The following FABP3 variants were observed in gnomAD, a reference collection of about 807,000 sequenced individuals.
FABP3 encodes the protein fatty acid-binding protein, heart.
FABP3 carries 8 observed loss-of-function variants against 13.4 expected under a neutral mutation model. The observed-to-expected ratio is 0.60, with a 90% CI of 0.35 to 1.07. The LOEUF is 1.07. Among genes scored for constraint, FABP3 ranks in the 50% least tolerant of loss-of-function variants. The pLI is 0.02. For missense variants in FABP3, 135 were observed against 164.7 expected (o/e 0.82, Z 0.99); for synonymous variants, 64 against 60.0 (o/e 1.07, Z -0.31).
intron 1 of FABP3, among the ~76,000 whole-genome samples, chr1:31,370,148 G>A (rs1640181960): frequency 6.7e-6 from 1 of 149,336 alleles, no homozygotes; most frequent in Non-Finnish European, 1.5e-5. Context: ...AGCTTTTTGT[G>A]TAGTAAGAAC....
intron 1 of FABP3, 125 bp from the exon 2 acceptor site, chr1:31,369,682 G>T: frequency 1.1e-6 from 1 of 875,640 alleles, no homozygotes; most frequent in Non-Finnish European, 1.7e-6. Flanking sequence ...CAAAGCCTTT[G>T]CATGGGAATT....
chr1:31,372,289 C>T (rs1204794471), intron 1 of FABP3, among the ~76,000 whole-genome samples: 1 of 152,086 alleles, frequency 6.6e-6, no homozygotes, highest in Non-Finnish European at 1.5e-5. Flanking sequence ...GCCTCTTGCC[C>T]CACCCTACCA....
chr1:31,368,799 C>T (rs777508605), intron 2 of FABP3, among the ~76,000 whole-genome samples: 5 of 152,170 alleles, frequency 3.3e-5, no homozygotes, highest in South Asian at 4.1e-4. Context: ...TGCCCTATCA[C>T]GGAACATAGC....
intron 1 of FABP3, 168 bp from the exon 2 acceptor site, chr1:31,369,725 G>A: frequency 1.6e-6 from 1 of 634,676 alleles, no homozygotes; most frequent in South Asian, 2.1e-5. Context: ...GTTCTGTTTG[G>A]TGAACACAGA....
the FABP3 span, among the ~76,000 whole-genome samples, chr1:31,360,044 A>G: frequency 6.6e-6 from 1 of 151,380 alleles, no homozygotes; most frequent in Non-Finnish European, 1.5e-5. Flanking sequence ...GCAATGGCAC[A>G]ATCTTGGCTG....
chr1:31,372,848 T>TA, intron 1 of FABP3, 94 bp downstream of exon 1: 1 of 1,270,748 alleles, frequency 7.9e-7, no homozygotes, highest in African/African-American at 1.5e-5. Flanking sequence ...TCCCCAGTCT[T>TA]AACCAGGAGG....
intron 3 of FABP3, among the ~76,000 whole-genome samples, chr1:31,367,108 C>A (rs982968653): frequency 2.0e-5 from 3 of 152,184 alleles, no homozygotes; most frequent in Non-Finnish European, 4.4e-5. Context: ...GGCTTCCCAG[C>A]AGCCCTACAA....
At chr1:31,368,541 C>G (rs1640150337) in intron 2 of FABP3, among the ~76,000 whole-genome samples, 1 of 152,186 alleles carries the variant, frequency 6.6e-6, no homozygotes, top group Non-Finnish European at 1.5e-5. Flanking sequence ...CCTGTGTGAT[C>G]CTGTTCTTTC....
At chr1:31,372,031 C>T (rs1640218217) in intron 1 of FABP3, among the ~76,000 whole-genome samples, 2 of 152,120 alleles carry the variant, frequency 1.3e-5, no homozygotes, top group African/African-American at 2.4e-5. Flanking sequence ...GTTTCAGTTT[C>T]CCTGTTGAAC....
intron 3 of FABP3, among the ~76,000 whole-genome samples, chr1:31,366,219 T>A (rs1640110831): frequency 6.6e-6 from 1 of 152,090 alleles, no homozygotes; most frequent in Admixed American, 6.5e-5. Flanking sequence ...TTGGTCAAGA[T>A]CCTGAGTGTT....
At chr1:31,366,062 A>ATGTGTGTGTGTG (rs3049341) in intron 3 of FABP3, 123 bp from the exon 4 acceptor site, 34 of 575,844 alleles carry the variant, frequency 5.9e-5, no homozygotes, top group African/African-American at 3.1e-4. Flanking sequence ...ATATGTATGT[A>ATGTGTGTGTGTG]TGTGTGTGTG....
intron 3 of FABP3, 75 bp downstream of exon 3, chr1:31,367,318 C>T (rs1640131058): frequency 1.6e-6 from 2 of 1,289,150 alleles, no homozygotes; most frequent in South Asian, 2.4e-5. Context: ...GAGGACTTGG[C>T]TTTTTAGAAC....
Position 31,369,532 on chromosome 1 carries a change from C to T in FABP3, c.99G>A (p.Val33=). The change falls in exon 2 of 4, where the codon GTG becomes GTA. Residue 33 remains valine, a synonymous_variant. Coordinates refer to ENST00000373713, the MANE Select transcript of FABP3 (RefSeq NM_004102.5). ...TTGTGGTAGGCTTGGTCATGCTGGC[C>T]ACCTGCCTGGTAGCAAAACCCACAC... ...SLGVGFATRQ[V]ASMTKPTTII... is the part of the protein sequence containing the mutation. 1 of 1,614,102 alleles carries T rather than the reference C, an allele frequency of 6.2e-7. No homozygotes were observed. Among genetic ancestry groups the T allele is most frequent in the South Asian group, 1.1e-5 (1 of 91,074 alleles).
chr1:31,363,421 G>A (rs1273090087), downstream of FABP3, among the ~76,000 whole-genome samples: 1 of 152,124 alleles, frequency 6.6e-6, no homozygotes, highest in Non-Finnish European at 1.5e-5. Context: ...CTGACCTCGT[G>A]ATCCACCTGC....
downstream of FABP3, among the ~76,000 whole-genome samples, chr1:31,361,961 G>A (rs917761443): frequency 1.3e-5 from 2 of 152,036 alleles, no homozygotes; most frequent in Non-Finnish European, 2.9e-5. Flanking sequence ...ACAGGCCCGC[G>A]TAACCACACC....
At chr1:31,372,060 C>G (rs1310137383) in intron 1 of FABP3, among the ~76,000 whole-genome samples, 1 of 152,180 alleles carries the variant, frequency 6.6e-6, no homozygotes, top group East Asian at 1.9e-4. Flanking sequence ...ATGGGAATCT[C>G]CAAGTTCCTC....
intron 3 of FABP3, among the ~76,000 whole-genome samples, chr1:31,366,958 G>A (rs1198961521): frequency 1.3e-5 from 2 of 152,168 alleles, no homozygotes; most frequent in Non-Finnish European, 2.9e-5. Context: ...GAGGGCCTGG[G>A]ATCAGATTTG....
chr1:31,372,855 G>A, intron 1 of FABP3, 87 bp downstream of exon 1: 1 of 1,300,034 alleles, frequency 7.7e-7, no homozygotes, highest in Non-Finnish European at 1.1e-6. Flanking sequence ...TCTTAACCAG[G>A]AGGGATGCGG....
downstream of FABP3, chr1:31,364,361 C>A: frequency 1.6e-6 from 2 of 1,230,196 alleles, no homozygotes; most frequent in Non-Finnish European, 2.2e-6. Context: ...AGTTAGAGGT[C>A]AAAAGCAGCT....
Sources: gnomAD v4.1 joint callset for allele counts (sites outside exome capture counted in the v4.1 genomes callset) on GRCh38, gnomAD v4.1.1 for gene constraint, MANE v1.5 for transcripts, NCBI Gene and HGNC (gene_info 2026-07-23, HGNC 2026-07-21) for gene names.